The following SNX27 variants were observed in gnomAD, a reference collection of about 807,000 sequenced individuals.
SNX27 encodes the protein sorting nexin-27.
A neutral mutation model predicts 71.6 loss-of-function variants in SNX27; 22 were observed. The observed-to-expected ratio is 0.31, with a 90% CI of 0.22 to 0.44. SNX27 has a LOEUF of 0.44. Among genes scored for constraint, SNX27 ranks in the 20% least tolerant of loss-of-function variants. The pLI is 1.00. For synonymous variants in SNX27, 269 were observed against 277.2 expected (o/e 0.97, Z 0.29); for missense variants, 531 against 698.6 (o/e 0.76, Z 2.70).
chr1:151,633,007 G>A (rs1175302279), intron 1 of SNX27, among the ~76,000 whole-genome samples: 21 of 151,690 alleles, frequency 1.4e-4, no homozygotes, highest in Non-Finnish European at 8.9e-5. Flanking sequence ...TAGTAGCTGG[G>A]ACTACAGGCG....
chr1:151,660,493 T>C, intron 3 of SNX27: 1 of 232,940 alleles, frequency 4.3e-6, no homozygotes, highest in East Asian at 9.0e-5. Context: ...TGCTTGTTAA[T>C]AGGTCACACA....
At position 151,696,437 on chromosome 1, in the gene SNX27, T is replaced by G. The variant is rs920132390; in HGVS notation, c.*2020T>G. The G allele has an allele frequency of 6.6e-6, 1 of 150,848 alleles. No homozygotes were observed. The highest frequency in any genetic ancestry group is 1.5e-5 in the Non-Finnish European group (1 of 67,584). The allele number at this position is 150,848 out of a possible 1,614,324, so 9.3% of individuals were successfully genotyped here. On this transcript the variant is annotated 3_prime_UTR_variant, in exon 12 of 12. Coordinates refer to ENST00000458013, the MANE Select transcript of SNX27 (RefSeq NM_001330723.2). ...GAAAGTCTCTTTTTTGTAATTTGTT[T>G]TTGCAAATCATTGTGAGGCCACTTT...
intron 1 of SNX27, among the ~76,000 whole-genome samples, chr1:151,625,078 T>C (rs897751985): frequency 6.6e-6 from 1 of 152,096 alleles, no homozygotes; most frequent in African/African-American, 2.4e-5. Flanking sequence ...TTATTTATTC[T>C]TTTTTTTCCT....
At chr1:151,617,578 CCAGT>C (rs994566429) in intron 1 of SNX27, among the ~76,000 whole-genome samples, 10 of 152,222 alleles carry the variant, frequency 6.6e-5, no homozygotes, top group Non-Finnish European at 1.0e-4. Flanking sequence ...GCCACTGCGC[CCAGT>C]CAGTCTGTAG....
At chr1:151,667,596 C>T (rs916434212) in intron 6 of SNX27, among the ~76,000 whole-genome samples, 1 of 151,666 alleles carries the variant, frequency 6.6e-6, no homozygotes, top group African/African-American at 2.4e-5. Flanking sequence ...GAGGCCGAGG[C>T]GGGCGGATCA....
At chr1:151,631,062 C>T (rs1668208491) in intron 1 of SNX27, among the ~76,000 whole-genome samples, 1 of 152,092 alleles carries the variant, frequency 6.6e-6, no homozygotes, top group Non-Finnish European at 1.5e-5. Flanking sequence ...ACTTGTTTGC[C>T]TAAGTAAGAT....
intron 3 of SNX27, among the ~76,000 whole-genome samples, chr1:151,658,739 A>G (rs1216058092): frequency 6.6e-6 from 1 of 152,084 alleles, no homozygotes; most frequent in Admixed American, 6.5e-5. Flanking sequence ...GCTGGAGTGC[A>G]GTGGCACGAT....
intron 8 of SNX27, chr1:151,685,498 A>G (rs184324761): frequency 7.2e-5 from 11 of 152,352 alleles, no homozygotes; most frequent in Admixed American, 2.6e-4. Context: ...CCTGGCCAAC[A>G]TGGTGAAACC....
At chr1:151,623,001 C>G (rs1177205169) in intron 1 of SNX27, among the ~76,000 whole-genome samples, 1 of 151,860 alleles carries the variant, frequency 6.6e-6, no homozygotes, top group Non-Finnish European at 1.5e-5. Flanking sequence ...TTGAAACAGT[C>G]TTGCCCTGTC....
intron 5 of SNX27, among the ~76,000 whole-genome samples, chr1:151,663,997 A>T (rs924440808): frequency 2.0e-5 from 3 of 151,638 alleles, no homozygotes; most frequent in Non-Finnish European, 4.4e-5. Flanking sequence ...CTATTTAATT[A>T]TCTTGAAATA....
At position 151,686,545 on chromosome 1, in the gene SNX27, G is replaced by A. The variant is rs565286036; in HGVS notation, c.1239+3100G>A. Among the ~76,000 whole-genome samples the A allele has an allele frequency of 3.0e-4, 45 of 152,340 alleles. 1 individual carries two copies. Among genetic ancestry groups the A allele is most frequent in the African/African-American group, 1.1e-3 (45 of 41,570 alleles). ...GAAAACCTAGTGCCAACATATTTCTGTGTACTAGCCACATGATATGATAGT... is the reference window on the plus strand; with the variant it reads ...GAAAACCTAGTGCCAACATATTTCTATGTACTAGCCACATGATATGATAGT... On this transcript the variant is annotated intron_variant, in intron 8 of 11. Transcript: ENST00000458013.
At chr1:151,666,103 C>T (rs1439908433) in intron 6 of SNX27, 92 bp downstream of exon 6, 6 of 969,918 alleles carry the variant, frequency 6.2e-6, no homozygotes, top group Non-Finnish European at 9.4e-6. Context: ...AAGGGGAGAT[C>T]CCACTCATTA....
chr1:151,681,233 A>ATATTTTTTTTTTTTTTTTTTTTTTTTTTT (rs1558071789), intron 7 of SNX27, among the ~76,000 whole-genome samples: 1 of 87,376 alleles, frequency 1.1e-5, no homozygotes, highest in Non-Finnish European at 2.2e-5. Flanking sequence ...TAGTCTCTCA[A>ATATTTTTTTTTTTTTTTTTTTTTTTTTTT]TCTTTTTTTT....
intron 1 of SNX27, among the ~76,000 whole-genome samples, chr1:151,636,131 A>G (rs980562899): frequency 6.6e-6 from 1 of 152,220 alleles, no homozygotes; most frequent in African/African-American, 2.4e-5. Context: ...TTGTAGATCC[A>G]GTGACTCTCA....
chr1:151,656,860 G>A (rs1169027849), intron 2 of SNX27, among the ~76,000 whole-genome samples: 1 of 151,944 alleles, frequency 6.6e-6, no homozygotes, highest in Non-Finnish European at 1.5e-5. Flanking sequence ...AAAAAAGTAA[G>A]TCCTTTGAAG....
intron 2 of SNX27, among the ~76,000 whole-genome samples, chr1:151,645,179 C>G (rs1041405560): frequency 6.6e-6 from 1 of 152,288 alleles, no homozygotes; most frequent in Admixed American, 6.5e-5. Flanking sequence ...AAGTTCTTTC[C>G]TCATTGAAAT....
chr1:151,680,610 A>C (rs1467424344), intron 7 of SNX27, among the ~76,000 whole-genome samples: 10 of 152,200 alleles, frequency 6.6e-5, no homozygotes, highest in Non-Finnish European at 1.0e-4. Context: ...AGTCAGACAT[A>C]GTTCTAGGCG....
chr1:151,664,623 G>A (rs1482613961), intron 5 of SNX27, among the ~76,000 whole-genome samples: 1 of 152,044 alleles, frequency 6.6e-6, no homozygotes, highest in African/African-American at 2.4e-5. Context: ...AGACAAGCAG[G>A]TTTCTGGGTA....
chr1:151,678,726 T>A (rs1464849721), intron 7 of SNX27: 1 of 152,124 alleles, frequency 6.6e-6, no homozygotes, highest in Non-Finnish European at 1.5e-5. Context: ...TGTTTTTTAT[T>A]TTTTGGAGAC....
Sources: gnomAD v4.1 joint callset for allele counts (sites outside exome capture counted in the v4.1 genomes callset) on GRCh38, gnomAD v4.1.1 for gene constraint, MANE v1.5 for transcripts, NCBI Gene and HGNC (gene_info 2026-07-23, HGNC 2026-07-21) for gene names.